The following SMAD3 variants were observed in gnomAD, a reference collection of about 807,000 sequenced individuals.
SMAD3 encodes the protein SMAD family member 3.
In SMAD3, 12 loss-of-function variants were observed where a neutral mutation model predicts 51.8. That is an observed-to-expected ratio of 0.23 (90% CI 0.15 to 0.38). The LOEUF (loss-of-function observed/expected upper bound fraction) is 0.38, where lower values mean the gene tolerates loss of function less well. Among genes scored for constraint, SMAD3 ranks in the 10% least tolerant of loss-of-function variants. SMAD3 has a pLI of 1.00. For synonymous variants in SMAD3, 238 were observed against 227.7 expected (o/e 1.05, Z -0.41); for missense variants, 294 against 565.6 (o/e 0.52, Z 4.87).
intron 1 of SMAD3, among the ~76,000 whole-genome samples, chr15:67,158,008 TGG>T (rs899719333): frequency 6.6e-6 from 1 of 152,078 alleles, no homozygotes; most frequent in African/African-American, 2.4e-5. Flanking sequence ...CAGTCATAAA[TGG>T]GGAGGAGGCC....
chr15:67,150,315 TCACCTCTC>T (rs576906807), intron 1 of SMAD3, among the ~76,000 whole-genome samples: 1 of 152,276 alleles, frequency 6.6e-6, no homozygotes, highest in African/African-American at 2.4e-5. Flanking sequence ...TTTGCCCTCT[TCACCTCTC>T]CCCAACCCCC....
At chr15:67,085,685 A>G (rs58419901) in intron 1 of SMAD3, among the ~76,000 whole-genome samples, 12,614 of 152,192 alleles carry the variant, frequency 0.083, 828 homozygotes, top group East Asian at 0.23. Flanking sequence ...CCTGGAGACC[A>G]GTGAATTTCA....
intron 1 of SMAD3, among the ~76,000 whole-genome samples, chr15:67,162,728 C>T: frequency 6.6e-6 from 1 of 151,934 alleles, no homozygotes. Context: ...TCCACAGGGC[C>T]TTTGTGTGTG....
At chr15:67,152,921 A>G (rs893898781) in intron 1 of SMAD3, among the ~76,000 whole-genome samples, 1 of 152,140 alleles carries the variant, frequency 6.6e-6, no homozygotes, top group Non-Finnish European at 1.5e-5. Flanking sequence ...TCTTCTTTGC[A>G]TGGGGGAAGG....
intron 2 of SMAD3, 37 bp downstream of exon 2, chr15:67,165,125 C>A (rs755123523): frequency 6.2e-7 from 1 of 1,611,074 alleles, no homozygotes; most frequent in East Asian, 2.2e-5. Context: ...ACAGCAGGTG[C>A]CAGGGGTCAT....
At chr15:67,092,714 C>G (rs1960533228) in intron 1 of SMAD3, among the ~76,000 whole-genome samples, 1 of 152,206 alleles carries the variant, frequency 6.6e-6, no homozygotes, top group Non-Finnish European at 1.5e-5. Flanking sequence ...AGGCACAGGA[C>G]TGGTAGGGCT....
intron 1 of SMAD3, chr15:67,142,866 A>T (rs949278961): frequency 2.2e-6 from 1 of 454,748 alleles, no homozygotes; most frequent in African/African-American, 2.0e-5. Context: ...GAACACAGGG[A>T]CATGATCCCA....
chr15:67,086,524 C>T (rs563598894), intron 1 of SMAD3, among the ~76,000 whole-genome samples: 4 of 152,118 alleles, frequency 2.6e-5, no homozygotes, highest in African/African-American at 9.6e-5. Flanking sequence ...GAAATGCGCC[C>T]TAGGAGGGGA....
chr15:67,098,690 C>T (rs1225791049), intron 1 of SMAD3: 6 of 570,296 alleles, frequency 1.1e-5, no homozygotes, highest in African/African-American at 7.5e-5. Context: ...AAACAAGCTT[C>T]GGGAGTTGGG....
At chr15:67,106,172 G>A (rs754504105) in intron 1 of SMAD3, among the ~76,000 whole-genome samples, 5 of 152,018 alleles carry the variant, frequency 3.3e-5, no homozygotes, top group Non-Finnish European at 4.4e-5. Flanking sequence ...TCTCCACTGG[G>A]CCCATTCTCC....
At chr15:67,136,078 C>A (rs1961653412) in intron 1 of SMAD3, among the ~76,000 whole-genome samples, 1 of 152,098 alleles carries the variant, frequency 6.6e-6, no homozygotes, top group South Asian at 2.1e-4. Context: ...GTTTGAACCA[C>A]CAAAGCAAAT....
chr15:67,094,269 A>G (rs1960568360), intron 1 of SMAD3, among the ~76,000 whole-genome samples: 2 of 152,146 alleles, frequency 1.3e-5, no homozygotes, highest in South Asian at 4.1e-4. Context: ...TGGCATCAAG[A>G]TGGGAGGCGA....
intron 5 of SMAD3, among the ~76,000 whole-genome samples, chr15:67,180,345 G>C (rs7178824): frequency 0.22 from 33,894 of 151,712 alleles, 4,293 homozygotes; most frequent in East Asian, 0.48. Context: ...GGGCGAGGAG[G>C]CCCCAGGAAA....
At position 67,194,464 on chromosome 15, in the gene SMAD3, T is replaced by C. The variant is rs1475736209; in HGVS notation, c.*3928T>C. 1 of 233,210 alleles carries C rather than the reference T, an allele frequency of 4.3e-6. No homozygotes were observed. The highest frequency in any genetic ancestry group is 6.0e-5 in the East Asian group (1 of 16,722). 14.4% of individuals were successfully genotyped at this position (233,210 alleles called of 1,614,324 possible). A position where few individuals can be genotyped will look rare whatever the true frequency, so the allele number is the denominator to read the frequency against. On this transcript the variant is annotated 3_prime_UTR_variant, in exon 9 of 9. Transcript: ENST00000327367. ...GAAAAGAAACTTGCCTCATGTAAACTGGATTGAGAAATTCTCAGTGATTCT... is the reference window on the plus strand; with the variant it reads ...GAAAAGAAACTTGCCTCATGTAAACCGGATTGAGAAATTCTCAGTGATTCT...
intron 1 of SMAD3, among the ~76,000 whole-genome samples, chr15:67,117,350 T>C (rs527932925): frequency 3.9e-5 from 6 of 152,256 alleles, no homozygotes; most frequent in African/African-American, 1.4e-4. Context: ...TTTTGTTCTG[T>C]TAGGATATGA....
chr15:67,146,887 G>C (rs1376012352), intron 1 of SMAD3: 1 of 152,212 alleles, frequency 6.6e-6, no homozygotes, highest in Non-Finnish European at 1.5e-5. Context: ...GGAGCTAGAT[G>C]GGGCCTGACA....
At chr15:67,078,756 G>T (rs1015580124) in intron 1 of SMAD3, among the ~76,000 whole-genome samples, 23 of 152,320 alleles carry the variant, frequency 1.5e-4, no homozygotes, top group African/African-American at 5.3e-4. Context: ...TATTGCTGCG[G>T]AGTGCCCTGG....
At chr15:67,160,770 C>CAAAAAAAAAAAAAAAAA (rs547354315) in intron 1 of SMAD3, among the ~76,000 whole-genome samples, 3 of 61,002 alleles carry the variant, frequency 4.9e-5, no homozygotes, top group African/African-American at 2.2e-4. Context: ...GACTCCATCT[C>CAAAAAAAAAAAAAAAAA]AAAAAAAAAA....
chr15:67,099,191 A>C (rs1222936459), intron 1 of SMAD3, among the ~76,000 whole-genome samples: 1 of 152,216 alleles, frequency 6.6e-6, no homozygotes. Flanking sequence ...GATAAGGACT[A>C]AGGACTTCTG....
Sources: gnomAD v4.1 joint callset for allele counts (sites outside exome capture counted in the v4.1 genomes callset) on GRCh38, gnomAD v4.1.1 for gene constraint, MANE v1.5 for transcripts, NCBI Gene and HGNC (gene_info 2026-07-23, HGNC 2026-07-21) for gene names.